The following MYO1E variants were observed in gnomAD, a reference collection of about 807,000 sequenced individuals.
MYO1E encodes myosin IE, also known as unconventional myosin-Ie.
Under a neutral mutation model 151.1 loss-of-function variants are expected in MYO1E, and 68 were observed. The observed-to-expected ratio is 0.45, with a 90% CI of 0.37 to 0.55. The LOEUF (loss-of-function observed/expected upper bound fraction) is 0.55, where lower values mean the gene tolerates loss of function less well. Among genes scored for constraint, MYO1E ranks in the 20% least tolerant of loss-of-function variants. MYO1E has a pLI of 0.00. For synonymous variants in MYO1E, 601 were observed against 501.7 expected (o/e 1.20, Z -2.64); for missense variants, 1,363 against 1,389.3 (o/e 0.98, Z 0.30).
intron 16 of MYO1E, among the ~76,000 whole-genome samples, chr15:59,200,575 A>G (rs1333750253): frequency 6.6e-6 from 1 of 152,112 alleles, no homozygotes; most frequent in Non-Finnish European, 1.5e-5. Context: ...GCTTGAGCCC[A>G]GGAGTTCAAG....
At position 59,321,900 on chromosome 15, in the gene MYO1E, C is replaced by T. The variant is rs1467077223; in HGVS notation, c.4-49451G>A. ...AAAGAAAAGAAAAACTGGCAGGGTG[C>T]AGTGGCAGGTGCCTGTAATCCCAGC... On this transcript the variant is annotated intron_variant, in intron 1 of 27. Transcript: ENST00000288235. Among the ~76,000 whole-genome samples, 3 of 151,426 alleles carry T rather than the reference C, an allele frequency of 2.0e-5. No homozygotes were observed. The South Asian group carries it at 6.3e-4, about 32-fold the overall frequency.
At chr15:59,149,567 G>C (rs941278466) in intron 26 of MYO1E, among the ~76,000 whole-genome samples, 2 of 152,170 alleles carry the variant, frequency 1.3e-5, no homozygotes, top group African/African-American at 4.8e-5. Flanking sequence ...GAATCCAGTT[G>C]GGATGGTAAT....
intron 1 of MYO1E, among the ~76,000 whole-genome samples, chr15:59,338,284 C>CTTTTTTT (rs35457560): frequency 3.9e-5 from 5 of 128,672 alleles, no homozygotes; most frequent in Admixed American, 7.9e-5. Context: ...TCAGTATTGA[C>CTTTTTTT]TTTTTTTTTT....
chr15:59,294,425 G>A (rs986677957), intron 1 of MYO1E, among the ~76,000 whole-genome samples: 15 of 152,128 alleles, frequency 9.9e-5, no homozygotes, highest in Non-Finnish European at 1.5e-4. Context: ...TTGGACAAAG[G>A]AGCATTCCTT....
chr15:59,209,784 T>C (rs1256021339), intron 13 of MYO1E, among the ~76,000 whole-genome samples: 1 of 149,510 alleles, frequency 6.7e-6, no homozygotes, highest in Non-Finnish European at 1.5e-5. Flanking sequence ...TATAGAGATA[T>C]TTGTTCTGTA....
chr15:59,186,213 TG>T (rs1455957392), intron 18 of MYO1E, among the ~76,000 whole-genome samples: 2 of 152,174 alleles, frequency 1.3e-5, no homozygotes, highest in Admixed American at 6.5e-5. Context: ...AACTCAAATG[TG>T]GGGGACTGAG....
At chr15:59,328,382 C>G (rs1268070786) in intron 1 of MYO1E, among the ~76,000 whole-genome samples, 1 of 151,990 alleles carries the variant, frequency 6.6e-6, no homozygotes, top group Non-Finnish European at 1.5e-5. Context: ...AAAAGGAACC[C>G]ACCTTCATTG....
intron 1 of MYO1E, among the ~76,000 whole-genome samples, chr15:59,348,096 C>A (rs2080804355): frequency 6.6e-6 from 1 of 152,056 alleles, no homozygotes; most frequent in African/African-American, 2.4e-5. Context: ...GGTTTTGATG[C>A]CTCGCCATGT....
intron 1 of MYO1E, among the ~76,000 whole-genome samples, chr15:59,355,688 C>T (rs1432026850): frequency 1.3e-5 from 2 of 150,690 alleles, no homozygotes; most frequent in Non-Finnish European, 3.0e-5. Context: ...GCAATTCTTT[C>T]GATTCCTTTT....
At chr15:59,287,530 G>T (rs2080394244) in intron 1 of MYO1E, among the ~76,000 whole-genome samples, 1 of 152,178 alleles carries the variant, frequency 6.6e-6, no homozygotes, top group Admixed American at 6.5e-5. Flanking sequence ...GGTAGATTCT[G>T]CCTTCCTTTG....
intron 1 of MYO1E, among the ~76,000 whole-genome samples, chr15:59,284,596 T>G (rs2080376320): frequency 6.6e-6 from 1 of 151,014 alleles, no homozygotes; most frequent in South Asian, 2.1e-4. Flanking sequence ...GCTACAGGTG[T>G]GCACCACCAT....
intron 17 of MYO1E, among the ~76,000 whole-genome samples, chr15:59,189,070 A>AT (rs1373799239): frequency 5.3e-5 from 8 of 151,702 alleles, no homozygotes; most frequent in East Asian, 3.8e-4. Flanking sequence ...TCTTACAAGA[A>AT]TTTTTTTTTG....
At chr15:59,364,469 C>T (rs542044469) in intron 1 of MYO1E, among the ~76,000 whole-genome samples, 1 of 152,318 alleles carries the variant, frequency 6.6e-6, no homozygotes, top group East Asian at 1.9e-4. Flanking sequence ...TTATGACACA[C>T]AGTGAGTAAT....
intron 26 of MYO1E, among the ~76,000 whole-genome samples, chr15:59,145,844 G>A (rs1266198131): frequency 1.3e-5 from 2 of 152,148 alleles, no homozygotes; most frequent in Non-Finnish European, 2.9e-5. Context: ...CATGAAGAGA[G>A]AATTTTACCA....
chr15:59,240,295 C>A (rs1426711734), intron 4 of MYO1E, among the ~76,000 whole-genome samples: 1 of 152,126 alleles, frequency 6.6e-6, no homozygotes, highest in Non-Finnish European at 1.5e-5. Flanking sequence ...CAGCTGGGAA[C>A]AAGCCAAGCA....
intron 1 of MYO1E, among the ~76,000 whole-genome samples, chr15:59,310,827 T>C (rs1218367531): frequency 6.6e-6 from 1 of 151,890 alleles, no homozygotes; most frequent in Non-Finnish European, 1.5e-5. Context: ...TTCGTATATA[T>C]ACTCTGTAAG....
At chr15:59,227,133 C>G (rs1411298723) in intron 7 of MYO1E, among the ~76,000 whole-genome samples, 6 of 152,194 alleles carry the variant, frequency 3.9e-5, no homozygotes, top group Non-Finnish European at 8.8e-5. Context: ...CGGGCTCTAC[C>G]TCCTTCACAC....
At chr15:59,291,998 T>C (rs1354324070) in intron 1 of MYO1E, among the ~76,000 whole-genome samples, 1 of 152,208 alleles carries the variant, frequency 6.6e-6, no homozygotes, top group Admixed American at 6.5e-5. Flanking sequence ...TTGCTTAGTA[T>C]AACTATAGTT....
intron 1 of MYO1E, 62 bp downstream of exon 1, chr15:59,372,436 C>G (rs1269574661): frequency 4.6e-6 from 7 of 1,535,070 alleles, no homozygotes; most frequent in Non-Finnish European, 5.2e-6. Flanking sequence ...GGGTGCACCA[C>G]GCCGGGGTTT....
Sources: allele counts gnomAD v4.1 joint callset (sites outside exome capture counted in the v4.1 genomes callset), GRCh38; gene constraint gnomAD v4.1.1; transcripts MANE v1.5; gene names NCBI Gene and HGNC (gene_info 2026-07-23, HGNC 2026-07-21).